The following ANXA4 variants were observed in gnomAD, a reference collection of about 807,000 sequenced individuals.
ANXA4 encodes 35-beta calcimedin.
Under a neutral mutation model 49.8 loss-of-function variants are expected in ANXA4, and 39 were observed. The ratio of observed to expected loss-of-function variants is 0.78; its 90% CI spans 0.61 to 1.02. The LOEUF is 1.02. ANXA4 is among the 50% of genes least tolerant of loss of function. The probability of loss-of-function intolerance (pLI) is 0.00; values close to 1 mark genes in which losing one functional copy is unlikely to be tolerated. For synonymous variants in ANXA4, 134 were observed against 152.5 expected, an observed-to-expected ratio of 0.88 and a Z score of 0.89; for missense variants, 360 against 410.1, an observed-to-expected ratio of 0.88 and a Z score of 1.05.
At chr2:69,740,680 CTTTTTTTTTTT>C (rs3077548), upstream of ANXA4, among the ~76,000 whole-genome samples, 1 of 75,780 alleles carries the variant, frequency 1.3e-5, no homozygotes, top group Non-Finnish European at 2.4e-5. Context: ...CTTTCTTCCT[CTTTTTTTTTTT>C]TTTTTTTTTT....
At position 69,746,417 on chromosome 2, in the gene ANXA4, A is replaced by G. The variant is rs541628517; in HGVS notation, c.-47+4242A>G. On this transcript the variant is annotated intron_variant, in intron 1 of 12. Coordinates refer to ENST00000394295, the MANE Select transcript of ANXA4 (RefSeq NM_001153.5). ...AGTCTTATAGTGCTAACACCTCTAG[A>G]ACAATGTAGAGCTCCAACTAAAGGT... Among the ~76,000 whole-genome samples the G allele has an allele frequency of 3.9e-5, 6 of 152,322 alleles. No individual in the cohort carries two copies. The South Asian group carries it at 1.2e-3, about 32-fold the overall frequency.
intron 3 of ANXA4, among the ~76,000 whole-genome samples, chr2:69,725,962 G>C (rs1669954305): frequency 1.3e-5 from 2 of 152,034 alleles, no homozygotes; most frequent in Admixed American, 1.3e-4. Flanking sequence ...CAGTTGTCAG[G>C]ATGCAGCTGA....
intron 12 of ANXA4, 142 bp from the exon 13 acceptor site, chr2:69,825,314 T>C: frequency 3.0e-6 from 2 of 673,728 alleles, no homozygotes; most frequent in East Asian, 2.8e-5. Flanking sequence ...TGAATAAGTA[T>C]TACCTTCGTA....
intron 1 of ANXA4, among the ~76,000 whole-genome samples, chr2:69,646,812 A>G (rs1315674501): frequency 1.3e-5 from 2 of 152,174 alleles, no homozygotes; most frequent in Admixed American, 1.3e-4. Flanking sequence ...CTCACTGACC[A>G]CTAGATGCTG....
At chr2:69,649,647 T>C (rs1395832069) in intron 1 of ANXA4, among the ~76,000 whole-genome samples, 2 of 132,156 alleles carry the variant, frequency 1.5e-5, no homozygotes, top group Non-Finnish European at 3.2e-5. Flanking sequence ...TGTCTCGCCC[T>C]ACCGCCCAGG....
Position 69,786,861 on chromosome 2 carries a change from A to G in ANXA4, c.10-1193A>G, listed in dbSNP as rs113457363. On this transcript the variant is annotated intron_variant, in intron 2 of 12. Transcript: ENST00000394295. ...CTCAGCTTCCTGAGTAGCTGGGACT[A>G]CAGGCCTGTGCCACCATGTGTAGCT... Among the ~76,000 whole-genome samples the G allele has an allele frequency of 6.7e-3, 1,016 of 152,160 alleles. 15 individuals are homozygous for G. The highest frequency in any genetic ancestry group is 0.024 in the Middle Eastern group (7 of 294).
chr2:69,682,179 G>C (rs1284648840), intron 2 of ANXA4, among the ~76,000 whole-genome samples: 1 of 152,052 alleles, frequency 6.6e-6, no homozygotes, highest in African/African-American at 2.4e-5. Flanking sequence ...TTCCTTGAAG[G>C]CATCTTTAGA....
intron 1 of ANXA4, among the ~76,000 whole-genome samples, chr2:69,749,299 G>A (rs1416913398): frequency 6.6e-6 from 1 of 152,168 alleles, no homozygotes; most frequent in Non-Finnish European, 1.5e-5. Context: ...AGTCAGATAA[G>A]GGAACTTCAG....
intron 4 of ANXA4, among the ~76,000 whole-genome samples, chr2:69,805,046 C>CAA (rs60172949): frequency 0.013 from 450 of 35,860 alleles, 130 homozygotes; most frequent in Middle Eastern, 0.036. Flanking sequence ...GACTCCATCT[C>CAA]AAAAAAAAAA....
intron 2 of ANXA4, among the ~76,000 whole-genome samples, chr2:69,694,523 C>A (rs1260056913): frequency 8.9e-6 from 1 of 111,918 alleles, no homozygotes; most frequent in Non-Finnish European, 1.9e-5. Context: ...CCCCTCCCCC[C>A]TCCCCCCACC....
chr2:69,736,722 A>AC, intron 3 of ANXA4, among the ~76,000 whole-genome samples: 1 of 152,248 alleles, frequency 6.6e-6, no homozygotes, highest in Non-Finnish European at 1.5e-5. Context: ...GAATATATTT[A>AC]CCCCCACATT....
chr2:69,646,704 A>G (rs1374759214), intron 1 of ANXA4, among the ~76,000 whole-genome samples: 1 of 152,212 alleles, frequency 6.6e-6, no homozygotes, highest in Non-Finnish European at 1.5e-5. Flanking sequence ...CCTACACTTG[A>G]AGAGTAAACC....
intron 2 of ANXA4, among the ~76,000 whole-genome samples, chr2:69,654,226 G>A (rs1274810001): frequency 2.0e-5 from 3 of 152,196 alleles, no homozygotes; most frequent in Non-Finnish European, 4.4e-5. Flanking sequence ...CATGTCGTCT[G>A]CAAACAGAGA....
chr2:69,761,738 T>C lies in ANXA4; in HGVS notation c.-47+19563T>C, dbSNP rs56812508. 4.6e-3 allele frequency among the ~76,000 whole-genome samples: 666 copies of C among 145,636 alleles called. 4 individuals carry two copies. Among genetic ancestry groups the C allele is most frequent in the African/African-American group, 0.016 (628 of 38,764 alleles). ...GAGTTCAAGACCAGCCTGGACAACA[T>C]GGTGAGACCCCGTCTGTGACAGAGC... On this transcript the variant is annotated intron_variant, in intron 1 of 12. Transcript: ENST00000394295.
At chr2:69,711,809 TG>T (rs1337055815) in intron 2 of ANXA4, among the ~76,000 whole-genome samples, 2 of 151,372 alleles carry the variant, frequency 1.3e-5, no homozygotes, top group Non-Finnish European at 2.9e-5. Flanking sequence ...TTGAAGGGTG[TG>T]GGGGATGGTG....
chr2:69,738,978 G>T (rs1184891897), upstream of ANXA4, among the ~76,000 whole-genome samples: 1 of 152,122 alleles, frequency 6.6e-6, no homozygotes, highest in Non-Finnish European at 1.5e-5. Context: ...TGGTTTTTTA[G>T]GCAGCCTTAG....
intron 1 of ANXA4, among the ~76,000 whole-genome samples, chr2:69,764,721 A>T (rs1671432014): frequency 6.6e-6 from 1 of 152,230 alleles, no homozygotes; most frequent in Admixed American, 6.5e-5. Context: ...CATCTTAAAC[A>T]TTCTTAAATG....
intron 1 of ANXA4, among the ~76,000 whole-genome samples, chr2:69,648,081 G>A (rs1676079371): frequency 6.6e-6 from 1 of 152,248 alleles, no homozygotes; most frequent in South Asian, 2.1e-4. Flanking sequence ...GTATCTTTGA[G>A]GAAATCAAAG....
intron 2 of ANXA4, among the ~76,000 whole-genome samples, chr2:69,720,559 G>T (rs945603617): frequency 6.6e-6 from 1 of 152,164 alleles, no homozygotes; most frequent in Admixed American, 6.5e-5. Flanking sequence ...GATGGCAAGG[G>T]GCAGCCATGG....
Sources: allele counts gnomAD v4.1 joint callset (sites outside exome capture counted in the v4.1 genomes callset), GRCh38; gene constraint gnomAD v4.1.1; transcripts MANE v1.5; gene names NCBI Gene and HGNC (gene_info 2026-07-23, HGNC 2026-07-21).